The following MEI4 variants were observed in gnomAD, a reference collection of about 807,000 sequenced individuals.
MEI4 encodes meiotic double-stranded break formation protein 4, also known as meiosis-specific protein MEI4.
MEI4 carries 27 observed loss-of-function variants against 31.4 expected under a neutral mutation model. That is an observed-to-expected ratio of 0.86 (90% CI 0.63 to 1.19). The LOEUF is 1.19. MEI4 is among the 50% of genes most tolerant of loss of function. The probability of loss-of-function intolerance (pLI) is 0.00; values close to 1 mark genes in which losing one functional copy is unlikely to be tolerated. For synonymous variants in MEI4, 122 were observed against 145.4 expected, an observed-to-expected ratio of 0.84 and a Z score of 1.16; for missense variants, 329 against 398.9, an observed-to-expected ratio of 0.82 and a Z score of 1.49.
intron 1 of MEI4, among the ~76,000 whole-genome samples, chr6:77,681,137 T>TG (rs1768949571): frequency 6.6e-6 from 1 of 152,190 alleles, no homozygotes. Context: ...CTGAAAAGCC[T>TG]GGTCTCTTCC....
At chr6:77,855,990 C>T (rs1470964614) in intron 4 of MEI4, among the ~76,000 whole-genome samples, 1 of 152,080 alleles carries the variant, frequency 6.6e-6, no homozygotes, top group Non-Finnish European at 1.5e-5. Context: ...TCTGTCAATA[C>T]ATTAAAAAAA....
intron 4 of MEI4, among the ~76,000 whole-genome samples, chr6:77,868,120 A>G (rs1028398114): frequency 2.0e-5 from 3 of 151,952 alleles, no homozygotes; most frequent in Admixed American, 2.0e-4. Context: ...CTAATTTTAA[A>G]TGACGAATTA....
intron 1 of MEI4, among the ~76,000 whole-genome samples, chr6:77,664,357 A>G (rs889059599): frequency 6.6e-6 from 1 of 152,158 alleles, no homozygotes; most frequent in African/African-American, 2.4e-5. Context: ...AGTGGGCTGG[A>G]TTTTTATATT....
intron 1 of MEI4, among the ~76,000 whole-genome samples, chr6:77,687,999 A>G (rs1769090197): frequency 1.3e-5 from 2 of 152,066 alleles, no homozygotes; most frequent in South Asian, 2.1e-4. Context: ...CTGGCAACTA[A>G]TTCCTATCCT....
chr6:77,703,940 G>C (rs999196), intron 2 of MEI4, among the ~76,000 whole-genome samples: 42,557 of 152,000 alleles, frequency 0.28, 6,726 homozygotes, highest in South Asian at 0.37. Context: ...GGGGTTGGTA[G>C]TTGAAGAGAG....
intron 3 of MEI4, among the ~76,000 whole-genome samples, chr6:77,794,687 A>C (rs1769032339): frequency 6.6e-6 from 1 of 151,518 alleles, no homozygotes; most frequent in African/African-American, 2.4e-5. Context: ...CACTTTCAAC[A>C]ATAGATAGAC....
intron 4 of MEI4, among the ~76,000 whole-genome samples, chr6:77,850,440 A>G (rs1182959360): frequency 2.6e-5 from 4 of 152,314 alleles, no homozygotes; most frequent in East Asian, 1.9e-4. Context: ...AAACAGAGAT[A>G]GAGACCAATG....
chr6:77,741,865 C>T (rs1038431945), intron 2 of MEI4, among the ~76,000 whole-genome samples: 18 of 146,640 alleles, frequency 1.2e-4, no homozygotes, highest in African/African-American at 4.0e-4. Flanking sequence ...TGAGAACATG[C>T]GGTGTTTGGT....
Position 77,688,626 on chromosome 6 carries a change from A to G in MEI4, c.-14-2032A>G, listed in dbSNP as rs191275120. On this transcript the variant is annotated intron_variant, in intron 1 of 4. Coordinates refer to ENST00000684080, the MANE Select transcript of MEI4 (RefSeq NM_001322247.2). ...GGAATTTGCTGTGTTTTTATTATCCAGAGAACTTTGTCCTCTTGTGCTAAT... is the reference window on the plus strand; with the variant it reads ...GGAATTTGCTGTGTTTTTATTATCCGGAGAACTTTGTCCTCTTGTGCTAAT... Among the ~76,000 whole-genome samples, 4 of 152,224 alleles carry G rather than the reference A, an allele frequency of 2.6e-5. No homozygotes were observed. The East Asian group carries it at 7.7e-4, about 29-fold the overall frequency.
chr6:77,838,032 TC>T (rs1443729314), intron 4 of MEI4, among the ~76,000 whole-genome samples: 1 of 152,192 alleles, frequency 6.6e-6, no homozygotes, highest in Non-Finnish European at 1.5e-5. Flanking sequence ...AGCAAACTTG[TC>T]ATCATAAGTG....
chr6:77,823,508 T>A (rs1769876023), intron 3 of MEI4, among the ~76,000 whole-genome samples: 1 of 152,212 alleles, frequency 6.6e-6, no homozygotes, highest in African/African-American at 2.4e-5. Context: ...TCATCTCTAC[T>A]GTGAGAAGCC....
At chr6:77,906,710 A>C (rs1162538420) in intron 4 of MEI4, among the ~76,000 whole-genome samples, 1 of 152,194 alleles carries the variant, frequency 6.6e-6, no homozygotes, top group Non-Finnish European at 1.5e-5. Context: ...CAGGGAGGGA[A>C]TACTGACTCT....
intron 2 of MEI4, among the ~76,000 whole-genome samples, chr6:77,691,525 G>A (rs900021541): frequency 2.6e-5 from 4 of 152,154 alleles, no homozygotes; most frequent in Non-Finnish European, 5.9e-5. Context: ...AAAGGCACTG[G>A]AGTGGAGAAT....
At chr6:77,865,481 G>C (rs960089447) in intron 4 of MEI4, among the ~76,000 whole-genome samples, 1 of 152,158 alleles carries the variant, frequency 6.6e-6, no homozygotes, top group African/African-American at 2.4e-5. Context: ...AAATCTAGAA[G>C]AAATGGATAA....
intron 2 of MEI4, among the ~76,000 whole-genome samples, chr6:77,734,141 G>T (rs9767787): frequency 1.6e-4 from 25 of 152,036 alleles, no homozygotes; most frequent in South Asian, 8.3e-4. Context: ...ATGTCTATTA[G>T]GTCCGCTTGG....
intron 2 of MEI4, among the ~76,000 whole-genome samples, chr6:77,743,246 C>T (rs556408072): frequency 2.1e-4 from 32 of 152,238 alleles, no homozygotes; most frequent in Non-Finnish European, 3.8e-4. Context: ...ATTCTTCCTA[C>T]CCATGAGCAT....
intron 4 of MEI4, among the ~76,000 whole-genome samples, chr6:77,850,659 G>A (rs898635807): frequency 1.3e-5 from 2 of 152,170 alleles, no homozygotes; most frequent in African/African-American, 4.8e-5. Flanking sequence ...ATATTTAAAT[G>A]TTAGATCTAA....
intron 4 of MEI4, among the ~76,000 whole-genome samples, chr6:77,874,419 T>A (rs967737180): frequency 1.1e-4 from 17 of 152,218 alleles, no homozygotes; most frequent in Non-Finnish European, 1.3e-4. Flanking sequence ...CTGTTATTGG[T>A]GTATAAGAAT....
intron 4 of MEI4, among the ~76,000 whole-genome samples, chr6:77,867,457 C>T (rs564860468): frequency 6.6e-6 from 1 of 152,138 alleles, no homozygotes; most frequent in Non-Finnish European, 1.5e-5. Context: ...CCAAAAGATA[C>T]ATGAAAAAAT....
Sources: gnomAD v4.1 joint callset for allele counts (sites outside exome capture counted in the v4.1 genomes callset) on GRCh38, gnomAD v4.1.1 for gene constraint, MANE v1.5 for transcripts, NCBI Gene and HGNC (gene_info 2026-07-23, HGNC 2026-07-21) for gene names.